The following KREMEN1 variants were observed in gnomAD, a reference collection of about 807,000 sequenced individuals.
KREMEN1 encodes the protein kremen protein 1.
KREMEN1 carries 30 observed loss-of-function variants against 46.5 expected under a neutral mutation model. The observed-to-expected ratio is 0.65, with a 90% CI of 0.48 to 0.88. The LOEUF is 0.88. Ranked by LOEUF, KREMEN1 falls within the 40% of genes least tolerant of loss-of-function variation. The probability of loss-of-function intolerance (pLI) is 0.00; values close to 1 mark genes in which losing one functional copy is unlikely to be tolerated. For missense variants in KREMEN1, 533 were observed against 596.9 expected, an observed-to-expected ratio of 0.89 and a Z score of 1.11; for synonymous variants, 214 against 230.6, an observed-to-expected ratio of 0.93 and a Z score of 0.65.
rs527905440 is a variant in KREMEN1, at chr22:29,142,427, G to A, written c.*315G>A. ...CAGTGAGGCTGAGATGACAGAGGTG[G>A]TCATGGCTGGCACAGGGCTCAGGTA... On this transcript the variant is annotated 3_prime_UTR_variant, in exon 9 of 9. Transcript: ENST00000400335. 3 of 1,070,292 alleles carry A rather than the reference G, an allele frequency of 2.8e-6. No individual in the cohort carries two copies. The South Asian group carries it at 1.3e-4, about 48-fold the overall frequency. The allele number at this position is 1,070,292 out of a possible 1,614,324, so 66.3% of individuals were successfully genotyped here.
intron 4 of KREMEN1, among the ~76,000 whole-genome samples, chr22:29,122,753 C>T (rs1043153435): frequency 2.0e-5 from 3 of 151,968 alleles, no homozygotes; most frequent in African/African-American, 7.3e-5. Context: ...GCCTGACCAA[C>T]ATGGTGAAAC....
At chr22:29,131,958 C>T (rs1333634103) in intron 5 of KREMEN1, among the ~76,000 whole-genome samples, 2 of 147,850 alleles carry the variant, frequency 1.4e-5, no homozygotes, top group African/African-American at 5.0e-5. Context: ...CAGCAACCTC[C>T]GCCTCCCTGG....
chr22:29,152,994 G>C (rs986288507), intron 9 of KREMEN1, among the ~76,000 whole-genome samples: 6 of 152,216 alleles, frequency 3.9e-5, no homozygotes, highest in Admixed American at 6.5e-5. Context: ...ACAAGGGATG[G>C]ATTATTCATG....
downstream of KREMEN1, among the ~76,000 whole-genome samples, chr22:29,151,054 T>C (rs1476540185): frequency 6.6e-6 from 1 of 152,018 alleles, no homozygotes; most frequent in Non-Finnish European, 1.5e-5. Flanking sequence ...CCAGGGAAAG[T>C]GTGGATCGAT....
At position 29,103,162 on chromosome 22, in the gene KREMEN1, A is replaced by G. The variant is rs187423259; in HGVS notation, c.352+4209A>G. 5.3e-3 allele frequency among the ~76,000 whole-genome samples: 814 copies of G among 152,184 alleles called. 7 individuals are homozygous for G. Among genetic ancestry groups the G allele is most frequent in the Non-Finnish European group, 7.6e-3 (516 of 68,006 alleles). ...TCACAATTTTCATGAATAATACTAA[A>G]CCTCTGCATGAAGCCTGCTATTCAT... On this transcript the variant is annotated intron_variant, in intron 3 of 8. Coordinates refer to ENST00000400335, the MANE Select transcript of KREMEN1 (RefSeq NM_001039570.3).
intron 3 of KREMEN1, among the ~76,000 whole-genome samples, chr22:29,111,125 A>T (rs2038139367): frequency 6.6e-6 from 1 of 151,680 alleles, no homozygotes; most frequent in Admixed American, 6.6e-5. Context: ...TGGGCAACAT[A>T]GTGAGACCCC....
intron 3 of KREMEN1, among the ~76,000 whole-genome samples, chr22:29,107,146 A>G (rs114239625): frequency 0.018 from 2,796 of 151,936 alleles, 77 homozygotes; most frequent in African/African-American, 0.06. Flanking sequence ...TTCTCCCCCA[A>G]TACCATGTCT....
In KREMEN1 at chr22:29,125,789, GT is replaced by G. The variant is rs201342171; in HGVS notation, c.631+383del. Among the ~76,000 whole-genome samples, 253 of 147,346 alleles carry G rather than the reference GT, an allele frequency of 1.7e-3. 1 individual carries two copies. Among genetic ancestry groups the G allele is most frequent in the African/African-American group, 5.7e-3 (230 of 40,248 alleles). On this transcript the variant is annotated intron_variant, in intron 5 of 8. Transcript: ENST00000400335. ...ATATAATTTCCAAACCCTTTTGACTGTTTTTTTTTTAGGCATTTGGGATTTA... is the reference window on the plus strand; with the variant it reads ...ATATAATTTCCAAACCCTTTTGACTGTTTTTTTTTAGGCATTTGGGATTTA...
intron 4 of KREMEN1, among the ~76,000 whole-genome samples, chr22:29,122,940 CAAAAAAAAAAAAA>C (rs140855395): frequency 3.5e-5 from 2 of 56,406 alleles, no homozygotes; most frequent in East Asian, 6.6e-4. Context: ...GACTCTGTCT[CAAAAAAAAAAAAA>C]AAAAAAAAAA....
intron 5 of KREMEN1, among the ~76,000 whole-genome samples, chr22:29,131,775 T>A (rs2038562715): frequency 6.9e-6 from 1 of 144,112 alleles, no homozygotes; most frequent in Non-Finnish European, 1.5e-5. Flanking sequence ...TATGTATATA[T>A]ATATATAGTT....
At chr22:29,094,744 C>A (rs900424868) in intron 2 of KREMEN1, among the ~76,000 whole-genome samples, 1 of 151,948 alleles carries the variant, frequency 6.6e-6, no homozygotes, top group East Asian at 1.9e-4. Context: ...CTGCCTCAGC[C>A]TCCCGAGTAG....
intron 9 of KREMEN1, among the ~76,000 whole-genome samples, chr22:29,162,814 G>T (rs933325988): frequency 1.3e-5 from 2 of 152,222 alleles, no homozygotes; most frequent in Non-Finnish European, 2.9e-5. Context: ...ACTTGTGTGT[G>T]CATTGCGGCA....
Position 29,145,304 on chromosome 22 carries a change from C to G in KREMEN1, c.*3192C>G. 1.0e-6 allele frequency: 1 copy of G among 985,670 alleles called. No homozygotes were observed. Among genetic ancestry groups the G allele is most frequent in the Non-Finnish European group, 1.2e-6 (1 of 830,096 alleles). 61.1% of individuals were successfully genotyped at this position (985,670 alleles called of 1,614,324 possible). Reference sequence around the variant, plus strand: ...GTAACCCTGGGAAAGTCAGTCAGAACCCATGGCAGAAGACTGCAGGAGAGG... The same window carrying G: ...GTAACCCTGGGAAAGTCAGTCAGAAGCCATGGCAGAAGACTGCAGGAGAGG... On this transcript the variant is annotated 3_prime_UTR_variant, in exon 9 of 9. Coordinates refer to ENST00000400335, the MANE Select transcript of KREMEN1 (RefSeq NM_001039570.3).
At chr22:29,161,095 T>G (rs373741204) in intron 9 of KREMEN1, among the ~76,000 whole-genome samples, 27 of 152,318 alleles carry the variant, frequency 1.8e-4, no homozygotes, top group African/African-American at 6.5e-4. Context: ...TGAACACCTC[T>G]GCACACATAA....
At chr22:29,133,838 T>C (rs2038611612) in intron 5 of KREMEN1, among the ~76,000 whole-genome samples, 1 of 152,132 alleles carries the variant, frequency 6.6e-6, no homozygotes, top group South Asian at 2.1e-4. Context: ...CAATTACACG[T>C]ATGTTAGACT....
rs762253284 is a variant in KREMEN1, at chr22:29,145,690, C to G, written c.*3578C>G. 3 of 985,484 alleles carry G rather than the reference C, an allele frequency of 3.0e-6. No homozygotes were observed. The highest frequency in any genetic ancestry group is 3.6e-6 in the Non-Finnish European group (3 of 829,972). The allele number at this position is 985,484 out of a possible 1,614,324, so 61.0% of individuals were successfully genotyped here. ...AGCAGAGAATGAGTAGGAGTGAACC[C>G]GAGTGACTTCACCCGCCCTGTCCCC... On this transcript the variant is annotated 3_prime_UTR_variant, in exon 9 of 9. Coordinates refer to ENST00000400335, the MANE Select transcript of KREMEN1 (RefSeq NM_001039570.3).
intron 9 of KREMEN1, among the ~76,000 whole-genome samples, chr22:29,152,626 T>C (rs2038923804): frequency 6.6e-6 from 1 of 152,096 alleles, no homozygotes; most frequent in Non-Finnish European, 1.5e-5. Context: ...CCCCGCCCCT[T>C]GCACCCCTCC....
chr22:29,078,259 AAAAC>A lies in KREMEN1; in HGVS notation c.97+5052_97+5055del, dbSNP rs770983336. ...GGCAACAGAGCAAGACCCTGTCTCA[AAAAC>A]AAACAAACAAACAAACAAAAACACC... is the stretch of plus-strand genomic sequence containing the variant. On this transcript the variant is annotated intron_variant, in intron 1 of 8. Coordinates refer to ENST00000400335, the MANE Select transcript of KREMEN1 (RefSeq NM_001039570.3). Among the ~76,000 whole-genome samples the A allele has an allele frequency of 4.9e-4, 74 of 152,238 alleles. 1 individual carries two copies. The highest frequency in any genetic ancestry group is 6.2e-4 in the South Asian group (3 of 4,826).
rs2038783781 is a variant in KREMEN1, at chr22:29,142,659, T to G, written c.*547T>G. ...TTAGCGAGGTGTAAAGAGGGCAGTG[T>G]CTGTGCTGCCCCGGCAGCTTTGCTC... On this transcript the variant is annotated 3_prime_UTR_variant, in exon 9 of 9. Transcript: ENST00000400335. The G allele has an allele frequency of 1.0e-6, 1 of 985,376 alleles. No individual in the cohort carries two copies. The highest frequency in any genetic ancestry group is 1.7e-5 in the African/African-American group (1 of 57,242). 61.0% of individuals were successfully genotyped at this position (985,376 alleles called of 1,614,324 possible).
Sources: allele counts gnomAD v4.1 joint callset (sites outside exome capture counted in the v4.1 genomes callset), GRCh38; gene constraint gnomAD v4.1.1; transcripts MANE v1.5; gene names NCBI Gene and HGNC (gene_info 2026-07-23, HGNC 2026-07-21).